Variants in ODF1 observed in about 807,000 individuals in gnomAD.
The protein encoded by ODF1 is outer dense fiber protein 1.
ODF1 carries 10 observed loss-of-function variants against 24.0 expected under a neutral mutation model. That is an observed-to-expected ratio of 0.42 (90% CI 0.26 to 0.71). The LOEUF (loss-of-function observed/expected upper bound fraction) is 0.71, where lower values mean the gene tolerates loss of function less well. ODF1 is among the 30% of genes least tolerant of loss of function. The pLI, the probability that ODF1 is intolerant of heterozygous loss-of-function variation, is 0.28. For synonymous variants in ODF1, 118 were observed against 121.3 expected (o/e 0.97, Z 0.18); for missense variants, 282 against 307.9 (o/e 0.92, Z 0.63).
intron 1 of ODF1, among the ~76,000 whole-genome samples, chr8:102,552,597 A>G (rs1826055843): frequency 1.3e-5 from 2 of 152,174 alleles, no homozygotes; most frequent in South Asian, 4.1e-4. Flanking sequence ...AATTAGGTCT[A>G]TCATGTTGGC....
At chr8:102,560,077 T>G (rs1321734496) in intron 1 of ODF1, among the ~76,000 whole-genome samples, 1 of 151,490 alleles carries the variant, frequency 6.6e-6, no homozygotes, top group Admixed American at 6.6e-5. Context: ...TAGCCCTATA[T>G]GATGCAGGCA....
intron 1 of ODF1, among the ~76,000 whole-genome samples, chr8:102,555,796 G>T (rs1430611945): frequency 6.6e-6 from 1 of 152,180 alleles, no homozygotes; most frequent in Non-Finnish European, 1.5e-5. Context: ...CACTCCCACT[G>T]AGGGGAGCTC....
rs748558065 is a variant in ODF1 at position 102,560,539 on chromosome 8, C to T, written c.408C>T (p.Pro136=). ...LGSVNVCGFE[P]DQVKVRVKDG... The stretch of plus-strand genomic sequence containing the variant: ...CGGTGAATGTATGCGGTTTTGAACC[C>T]GATCAAGTCAAAGTTCGAGTGAAGG... The change falls in exon 2 of 2, where the codon CCC becomes CCT. Residue 136 remains proline, a synonymous_variant. Coordinates refer to ENST00000285402, the MANE Select transcript of ODF1 (RefSeq NM_024410.4). 2.0e-5 allele frequency: 33 copies of T among 1,614,042 alleles called. No homozygotes were observed. The highest frequency in any genetic ancestry group is 1.0e-4 in the Admixed American group (6 of 60,000).
chr8:102,555,698 C>T (rs1029627997), intron 1 of ODF1, among the ~76,000 whole-genome samples: 1 of 152,178 alleles, frequency 6.6e-6, no homozygotes, highest in Non-Finnish European at 1.5e-5. Context: ...TCAGAGAAAA[C>T]ATTCTAGTCT....
rs530003003 is a variant in ODF1 at position 102,560,677 on chromosome 8, T to C, written c.546T>C (p.Asp182=). The part of the protein sequence containing the change: ...CKEFSLPPCV[D]EKDVTYSYGL... ...AGTTCAGCTTGCCGCCCTGTGTGGA[T>C]GAGAAGGATGTAACATACTCCTATG... Residue 182 remains aspartate, a synonymous_variant, in exon 2 of 2, where the codon GAT becomes GAC. Transcript: ENST00000285402. 2.3e-5 allele frequency: 37 copies of C among 1,614,134 alleles called. No homozygotes were observed. The South Asian group carries it at 4.1e-4, about 18-fold the overall frequency.
At chr8:102,557,235 C>T (rs186625525) in intron 1 of ODF1, among the ~76,000 whole-genome samples, 2 of 152,256 alleles carry the variant, frequency 1.3e-5, no homozygotes, top group African/African-American at 4.8e-5. Flanking sequence ...ACTCCCTTTG[C>T]GCAGAACCCC....
chr8:102,556,817 A>T (rs1244044125), intron 1 of ODF1, among the ~76,000 whole-genome samples: 1 of 152,160 alleles, frequency 6.6e-6, no homozygotes, highest in African/African-American at 2.4e-5. Flanking sequence ...TTGAGTTTAA[A>T]TGGGTCTTTG....
intron 1 of ODF1, among the ~76,000 whole-genome samples, chr8:102,552,421 C>G (rs1826052941): frequency 6.6e-6 from 1 of 152,018 alleles, no homozygotes; most frequent in South Asian, 2.1e-4. Flanking sequence ...TTTGGACTTA[C>G]AGAAATGACT....
intron 1 of ODF1, among the ~76,000 whole-genome samples, chr8:102,558,175 G>C (rs1223661541): frequency 6.6e-6 from 1 of 152,226 alleles, no homozygotes; most frequent in Non-Finnish European, 1.5e-5. Context: ...GCTGAGGCCG[G>C]GCGCGGTGGC....
At chr8:102,556,587 A>G (rs1826115224) in intron 1 of ODF1, among the ~76,000 whole-genome samples, 1 of 152,004 alleles carries the variant, frequency 6.6e-6, no homozygotes, top group South Asian at 2.1e-4. Flanking sequence ...AACTGGGACT[A>G]GAGGTGCGGA....
chr8:102,551,993 G>T lies in ODF1; in HGVS notation c.266G>T (p.Ser89Ile), dbSNP rs146870404. 146 of 1,612,038 alleles carry T rather than the reference G, an allele frequency of 9.1e-5. No individual in the cohort carries two copies. The African/African-American group carries it at 1.0e-3, about 11-fold the overall frequency. Residue 89 changes from serine to isoleucine, a missense_variant, in exon 1 of 2, where the codon AGT (serine) becomes ATT (isoleucine). By Grantham distance (142) the Ser-to-Ile change is moderately radical (BLOSUM62 -2). Coordinates refer to ENST00000285402, the MANE Select transcript of ODF1 (RefSeq NM_024410.4). ...TACTGTCTGCGACCATCTCTCAGAA[G>T]TTTGGAGAGGAAAGCCATCAGAGCC... is the stretch of plus-strand genomic sequence containing the variant. ...KLYCLRPSLR[S>I]LERKAIRAIE... is the part of the protein sequence containing the mutation.
intron 1 of ODF1, among the ~76,000 whole-genome samples, chr8:102,556,502 C>T (rs182300132): frequency 9.5e-4 from 145 of 152,172 alleles, no homozygotes; most frequent in Admixed American, 1.6e-3. Flanking sequence ...GGCTGGAGTA[C>T]AGTGGTGTGA....
chr8:102,558,853 CAT>C (rs1826145081), intron 1 of ODF1, among the ~76,000 whole-genome samples: 1 of 151,118 alleles, frequency 6.6e-6, no homozygotes, highest in Non-Finnish European at 1.5e-5. Flanking sequence ...TAAAATAGTC[CAT>C]ATGTTTACTT....
intron 1 of ODF1, among the ~76,000 whole-genome samples, chr8:102,554,594 G>A (rs1826089905): frequency 6.6e-6 from 1 of 152,196 alleles, no homozygotes; most frequent in Non-Finnish European, 1.5e-5. Context: ...GGTTTCTTGA[G>A]CACTCCTGAC....
At position 102,551,773 on chromosome 8, in the gene ODF1, A is replaced by G. The variant is rs780468049; in HGVS notation, c.46A>G (p.Lys16Glu). The change falls in exon 1 of 2, where the codon AAG becomes GAG. Residue 16 changes from lysine to glutamate, a missense_variant. Coordinates refer to ENST00000285402, the MANE Select transcript of ODF1 (RefSeq NM_024410.4). ...CLLDSVRRDI[K>E]KVDRELRQLR... ...CTTGGACAGTGTCAGAAGGGACATA[A>G]AGAAGGTGGACAGAGAACTAAGGCA... 33 of 1,613,330 alleles carry G rather than the reference A, an allele frequency of 2.0e-5. No individual in the cohort carries two copies. The highest frequency in any genetic ancestry group is 2.7e-5 in the Non-Finnish European group (32 of 1,179,452).
chr8:102,551,706 A>G lies in ODF1; in HGVS notation c.-22A>G, dbSNP rs1304880579. 1 of 1,541,982 alleles carries G rather than the reference A, an allele frequency of 6.5e-7. No homozygotes were observed. Among genetic ancestry groups the G allele is most frequent in the East Asian group, 2.3e-5 (1 of 43,698 alleles). On this transcript the variant is annotated 5_prime_UTR_variant, in exon 1 of 2. Transcript: ENST00000285402. Reference sequence around the variant, plus strand: ...AGTGCCATTTCCCAAAGGTACTCACAGAACAATCAGGTGTGACCATAATGG... The same window carrying G: ...AGTGCCATTTCCCAAAGGTACTCACGGAACAATCAGGTGTGACCATAATGG...
At chr8:102,558,715 CA>C (rs1463332604) in intron 1 of ODF1, among the ~76,000 whole-genome samples, 1 of 147,252 alleles carries the variant, frequency 6.8e-6, no homozygotes, top group Non-Finnish European at 1.5e-5. Flanking sequence ...AGAACACATA[CA>C]AAACTCTCTC....
intron 1 of ODF1, among the ~76,000 whole-genome samples, chr8:102,557,897 T>C (rs1482344189): frequency 4.6e-5 from 7 of 152,252 alleles, no homozygotes; most frequent in Non-Finnish European, 1.0e-4. Flanking sequence ...TTGGCTGCTC[T>C]GGCTTTAAGC....
intron 1 of ODF1, 67 bp downstream of exon 1, chr8:102,552,114 A>C: frequency 9.2e-7 from 1 of 1,090,086 alleles, no homozygotes; most frequent in Non-Finnish European, 1.3e-6. Flanking sequence ...ATAAGGAAAA[A>C]TATGTGACAA....
Sources: gnomAD v4.1 joint callset for allele counts (sites outside exome capture counted in the v4.1 genomes callset) on GRCh38, gnomAD v4.1.1 for gene constraint, MANE v1.5 for transcripts, NCBI Gene and HGNC (gene_info 2026-07-23, HGNC 2026-07-21) for gene names.